CCL25: variants seen among roughly 807,000 people sequenced by gnomAD.
The protein encoded by CCL25 is C-C motif chemokine 25.
A neutral mutation model predicts 19.9 loss-of-function variants in CCL25; 14 were observed. The observed-to-expected ratio is 0.70, with a 90% confidence interval of 0.47 to 1.10. The LOEUF is 1.10. Ranked by LOEUF, CCL25 falls within the 50% of genes least tolerant of loss-of-function variation. The pLI is 0.00. For synonymous variants in CCL25, 68 were observed against 73.2 expected (o/e 0.93, Z 0.36); for missense variants, 151 against 181.2 (o/e 0.83, Z 0.96).
At chr19:8,053,203 CG>C in intron 2 of CCL25, 81 bp downstream of exon 2, 1 of 850,642 alleles carries the variant, frequency 1.2e-6, no homozygotes, top group Non-Finnish European at 1.8e-6. Context: ...TTATCTCCTC[CG>C]GAAGTCTCCC....
At chr19:8,054,749 A>G (rs2081257397) in intron 2 of CCL25, among the ~76,000 whole-genome samples, 1 of 151,118 alleles carries the variant, frequency 6.6e-6, no homozygotes, top group East Asian at 2.0e-4. Context: ...AGACAACACT[A>G]GGTCTAATTC....
intron 5 of CCL25, among the ~76,000 whole-genome samples, chr19:8,060,882 G>A (rs2081313548): frequency 6.6e-6 from 1 of 150,916 alleles, no homozygotes; most frequent in Non-Finnish European, 1.5e-5. Context: ...GGGTTTCACT[G>A]TGTTAGCCAG....
At chr19:8,056,772 T>C (rs1053181988) in intron 4 of CCL25, among the ~76,000 whole-genome samples, 2 of 152,112 alleles carry the variant, frequency 1.3e-5, no homozygotes, top group African/African-American at 2.4e-5. Context: ...CTCAAACTTG[T>C]GGGTTCAAGC....
chr19:8,058,343 TAA>T (rs1169413571), intron 5 of CCL25, among the ~76,000 whole-genome samples: 2 of 86,772 alleles, frequency 2.3e-5, no homozygotes, highest in Non-Finnish European at 5.3e-5. Context: ...TAAATATATA[TAA>T]TATATATAAG....
intron 5 of CCL25, among the ~76,000 whole-genome samples, chr19:8,060,801 C>G (rs911000614): frequency 6.6e-6 from 1 of 151,838 alleles, no homozygotes; most frequent in African/African-American, 2.4e-5. Context: ...CTGGCTCAGC[C>G]TCTGGAGTAG....
Position 8,053,077 on chromosome 19 carries a change from G to A in CCL25, c.28G>A (p.Val10Met). ...GAACCTGTGGCTCCTGGCCTGCCTG[G>A]TGGCCGGCTTCCTGGGAGCCTGGGC... MNLWLLACL[V>M]AGFLGAWAPA... The change falls in exon 2 of 6, where the codon GTG becomes ATG. Residue 10 changes from valine (V) to methionine (M), a missense_variant. Val to Met is a conservative substitution (Grantham distance 21). Transcript: ENST00000315626. 6.4e-7 allele frequency: 1 copy of A among 1,555,660 alleles called. No homozygotes were observed. Among genetic ancestry groups the A allele is most frequent in the Non-Finnish European group, 8.7e-7 (1 of 1,149,580 alleles).
At chr19:8,056,009 T>C (rs2081268312) in intron 2 of CCL25, 143 bp from the exon 3 acceptor site, 1 of 617,372 alleles carries the variant, frequency 1.6e-6, no homozygotes, top group Admixed American at 2.7e-5. Flanking sequence ...TTTTCTTTCC[T>C]AAGGCTGTTC....
At chr19:8,061,433 C>G (rs1045843586) in intron 5 of CCL25, among the ~76,000 whole-genome samples, 1 of 152,192 alleles carries the variant, frequency 6.6e-6, no homozygotes, top group East Asian at 1.9e-4. Flanking sequence ...GCGTGAGCCA[C>G]CATGCCCAGC....
At chr19:8,055,897 C>T (rs1012661398) in intron 2 of CCL25, among the ~76,000 whole-genome samples, 52 of 152,260 alleles carry the variant, frequency 3.4e-4, no homozygotes, top group African/African-American at 1.3e-3. Flanking sequence ...GGCCTTGGTC[C>T]GTTCATTTGC....
intron 3 of CCL25, 33 bp downstream of exon 3, chr19:8,056,302 G>GGGGGGGGCCCCCC: frequency 1.7e-6 from 1 of 593,372 alleles, no homozygotes. Flanking sequence ...GGGGGGTGGG[G>GGGGGGGGCCCCCC]TGCACACACA....
rs572629416 is a variant in CCL25, at chr19:8,052,817, A to G, written c.-56A>G. On this transcript the variant is annotated 5_prime_UTR_variant, in exon 1 of 6. Coordinates refer to ENST00000315626, the MANE Select transcript of CCL25 (RefSeq NM_005624.4). ...GGCATCAGCTCCCTTGACCCAGTGG[A>G]TATCGGTGAGTCTTTTCCTTGAACA... 14 of 490,950 alleles carry G rather than the reference A, an allele frequency of 2.9e-5. No individual in the cohort carries two copies. In the South Asian group the frequency reaches 5.2e-4, roughly 18 times the overall value. 30.4% of individuals were successfully genotyped at this position (490,950 alleles called of 1,614,324 possible).
intron 3 of CCL25, 33 bp downstream of exon 3, chr19:8,056,302 G>GGGGGGGGGGGGGGGGGCCC: frequency 1.7e-6 from 1 of 593,396 alleles, no homozygotes; most frequent in Non-Finnish European, 3.2e-6. Context: ...GGGGGGTGGG[G>GGGGGGGGGGGGGGGGGCCC]TGCACACACA....
Position 8,056,144 on chromosome 19 carries a change from G to C in CCL25, c.74-8G>C, listed in dbSNP as rs1209799353. On this transcript the variant is annotated splice_region_variant and splice_polypyrimidine_tract_variant and intron_variant, in intron 2 of 5. Coordinates refer to ENST00000315626, the MANE Select transcript of CCL25 (RefSeq NM_005624.4). ...GGTGCGAGTATCTGGGCGGCTGTGT[G>C]GTTGCAGGTGTCTTTGAGGACTGCT... The C allele has an allele frequency of 6.6e-7, 1 of 1,526,064 alleles. No individual in the cohort carries two copies. Among genetic ancestry groups the C allele is most frequent in the Non-Finnish European group, 8.8e-7 (1 of 1,134,846 alleles). 94.5% of individuals were successfully genotyped at this position (1,526,064 alleles called of 1,614,324 possible).
chr19:8,062,319 T>C lies in CCL25; in HGVS notation c.*94T>C, dbSNP rs1447281576. 7.1e-7 allele frequency: 1 copy of C among 1,408,094 alleles called. No individual in the cohort carries two copies. The highest frequency in any genetic ancestry group is 1.0e-6 in the Non-Finnish European group (1 of 995,448). The allele number at this position is 1,408,094 out of a possible 1,614,324, so 87.2% of individuals were successfully genotyped here. A position where few individuals can be genotyped will look rare whatever the true frequency, so the allele number is the denominator to read the frequency against. On this transcript the variant is annotated 3_prime_UTR_variant, in exon 6 of 6. Coordinates refer to ENST00000315626, the MANE Select transcript of CCL25 (RefSeq NM_005624.4). ...ACAGACCCAGCTGTCCCCACGCCTC[T>C]GTCTTTTGGGTCAAGTCTTAATCCC...
chr19:8,056,110 A>C, intron 2 of CCL25, 42 bp from the exon 3 acceptor site: 1 of 1,368,364 alleles, frequency 7.3e-7, no homozygotes, highest in Non-Finnish European at 1.0e-6. Context: ...TGCCAAGTTA[A>C]CATGCAAGGG....
intron 4 of CCL25, 64 bp from the exon 5 acceptor site, chr19:8,057,737 C>A: frequency 6.5e-7 from 1 of 1,532,090 alleles, no homozygotes; most frequent in South Asian, 1.2e-5. Context: ...TCAGGCTCAG[C>A]TGGATCCAGG....
chr19:8,057,576 C>T (rs777056604), intron 4 of CCL25, among the ~76,000 whole-genome samples: 3 of 152,204 alleles, frequency 2.0e-5, no homozygotes, highest in Non-Finnish European at 4.4e-5. Flanking sequence ...AAGCAATCCA[C>T]CTGCCTTGGC....
chr19:8,058,972 T>TAATATAAATATATAAATAC (rs2081295567), intron 5 of CCL25, among the ~76,000 whole-genome samples: 1 of 130,158 alleles, frequency 7.7e-6, no homozygotes, highest in African/African-American at 2.8e-5. Context: ...TATATAAATA[T>TAATATAAATATATAAATAC]ATAATATAAA....
intron 2 of CCL25, among the ~76,000 whole-genome samples, chr19:8,055,585 T>C (rs1234920870): frequency 6.6e-6 from 1 of 151,554 alleles, no homozygotes; most frequent in South Asian, 2.1e-4. Flanking sequence ...CCGCCCACCT[T>C]GGCCTCCCAA....
Sources: allele counts gnomAD v4.1 joint callset (sites outside exome capture counted in the v4.1 genomes callset), GRCh38; gene constraint gnomAD v4.1.1; transcripts MANE v1.5; gene names NCBI Gene and HGNC (gene_info 2026-07-23, HGNC 2026-07-21).